The following KRT86 variants were observed in gnomAD, a reference collection of about 807,000 sequenced individuals.
KRT86 encodes keratin 86.
KRT86 carries 30 observed loss-of-function variants against 41.2 expected under a neutral mutation model. The observed-to-expected ratio is 0.73, with a 90% CI of 0.54 to 0.99. The LOEUF (loss-of-function observed/expected upper bound fraction) is 0.99, where lower values mean the gene tolerates loss of function less well. KRT86 is among the 50% of genes least tolerant of loss of function. KRT86 has a pLI of 0.00. For synonymous variants in KRT86, 238 were observed against 238.1 expected, an observed-to-expected ratio of 1.00 and a Z score of 0.00; for missense variants, 561 against 571.4, an observed-to-expected ratio of 0.98 and a Z score of 0.19.
At chr12:52,286,847 A>T in intron 2 of KRT86, 5 of 1,613,292 alleles carry the variant, frequency 3.1e-6, no homozygotes, top group Non-Finnish European at 4.2e-6. Context: ...GAAAAAGGCA[A>T]CATTAGTGAC....
Position 52,302,008 on chromosome 12 carries a change from C to G in KRT86, c.92C>G (p.Pro31Arg), listed in dbSNP as rs748739670. Residue 31 changes from proline (P) to arginine (R), a missense_variant, in exon 3 of 11, where the codon CCC becomes CGC. Around this residue, in one of 3 missense-constraint regions of KRT86, gnomAD observed 164 missense variants for 172.5 expected, o/e 0.95. Transcript: ENST00000423955. ...RPGRCCITAAPYRGISCYRGL... is the reference protein window; with the variant it reads ...RPGRCCITAARYRGISCYRGL... ...GGCCGCTGCTGCATCACCGCCGCCC[C>G]CTACCGTGGCATCTCCTGCTACCGC... is the stretch of plus-strand genomic sequence containing the variant. The G allele has an allele frequency of 2.5e-6, 4 of 1,612,246 alleles. No individual in the cohort carries two copies. The Admixed American group carries it at 5.0e-5, about 20-fold the overall frequency.
At chr12:52,303,949 CCACATCCAACTAGAAAG>C (rs1938440533) in intron 4 of KRT86, among the ~76,000 whole-genome samples, 145 bp from the exon 5 acceptor site, 1 of 85,488 alleles carries the variant, frequency 1.2e-5, no homozygotes, top group African/African-American at 5.2e-5. Context: ...CAGACACATC[CCACATCCAACTAGAAAG>C]CACTAAGCTA....
At chr12:52,308,200 G>C (rs1224941181) in intron 9 of KRT86, 33 bp from the exon 10 acceptor site, 3 of 1,614,050 alleles carry the variant, frequency 1.9e-6, no homozygotes, top group Non-Finnish European at 8.5e-7. Context: ...CGCCTTTTCC[G>C]CGGCACTGAC....
intron 2 of KRT86, chr12:52,278,841 T>C (rs4761854): frequency 0.27 from 40,788 of 151,940 alleles, 6,084 homozygotes; most frequent in East Asian, 0.39. Flanking sequence ...TCTGTGCCTC[T>C]CCTTTTGTCG....
At chr12:52,284,167 G>A (rs566828519) in intron 2 of KRT86, among the ~76,000 whole-genome samples, 51 of 152,242 alleles carry the variant, frequency 3.3e-4, no homozygotes, top group African/African-American at 1.2e-3. Flanking sequence ...CTCCTGACAG[G>A]GGCTGCTGCT....
intron 5 of KRT86, 63 bp from the exon 6 acceptor site, chr12:52,304,869 A>T: frequency 6.5e-7 from 1 of 1,548,898 alleles, no homozygotes; most frequent in East Asian, 2.2e-5. Context: ...GGGTGGGAAG[A>T]GAGAGGAATC....
rs768592222 is a variant in KRT86 at position 52,308,494 on chromosome 12, C to T, written c.1370C>T (p.Pro457Leu). The T allele has an allele frequency of 1.9e-6, 3 of 1,609,144 alleles. No individual in the cohort carries two copies. In the South Asian group the frequency reaches 3.3e-5, roughly 18 times the overall value. ...GTCTCCACCAGAGTCAGTAGCGTCCCCAGCAACAGCAACGTGGTGGTGGGC... is the reference window on the plus strand; with the variant it reads ...GTCTCCACCAGAGTCAGTAGCGTCCTCAGCAACAGCAACGTGGTGGTGGGC... ...PVVSTRVSSV[P>L]SNSNVVVGTT... Residue 457 changes from proline to leucine, a missense_variant, in exon 11 of 11, where the codon CCC (proline) becomes CTC (leucine). Pro to Leu is a moderately conservative substitution (Grantham distance 98). This residue lies in a region of KRT86 where 397 missense variants were observed against 375.9 expected (regional missense o/e 1.06). Coordinates refer to ENST00000423955, the MANE Select transcript of KRT86 (RefSeq NM_001320198.2).
intron 2 of KRT86, chr12:52,286,645 C>A: frequency 8.4e-7 from 1 of 1,185,896 alleles, no homozygotes. Context: ...GAGCTGGGGT[C>A]TTTTGGATGT....
chr12:52,284,453 G>A (rs927468843), intron 2 of KRT86, among the ~76,000 whole-genome samples: 1 of 152,332 alleles, frequency 6.6e-6, no homozygotes, highest in African/African-American at 2.4e-5. Context: ...GCCTCCTAAA[G>A]TGTTGAGATT....
At chr12:52,293,803 G>A (rs1203031439) in intron 2 of KRT86, among the ~76,000 whole-genome samples, 2 of 152,118 alleles carry the variant, frequency 1.3e-5, no homozygotes, top group Non-Finnish European at 2.9e-5. Context: ...AAAGTACAGA[G>A]GTTTGCATTA....
chr12:52,287,647 C>A (rs1396403203), intron 2 of KRT86: 1 of 1,613,832 alleles, frequency 6.2e-7, no homozygotes, highest in Non-Finnish European at 8.5e-7. Context: ...TCATGCGGTT[C>A]AGCTCATTGA....
Position 52,305,678 on chromosome 12 carries a change from G to A in KRT86, c.916G>A (p.Ala306Thr), listed in dbSNP as rs762354129. 2 of 1,614,080 alleles carry A rather than the reference G, an allele frequency of 1.2e-6. No homozygotes were observed. Among genetic ancestry groups the A allele is most frequent in the South Asian group, 1.1e-5 (1 of 91,074 alleles). Residue 306 changes from alanine (A) to threonine (T), a missense_variant, in exon 8 of 11, where the codon GCC becomes ACC. Around this residue, in one of 3 missense-constraint regions of KRT86, gnomAD observed 397 missense variants for 375.9 expected, o/e 1.06. Coordinates refer to ENST00000423955, the MANE Select transcript of KRT86 (RefSeq NM_001320198.2). The stretch of plus-strand genomic sequence containing the variant: ...CTTCCCCCAGTGTGAGGAGATGAAG[G>A]CCACGGTGATCAGGCACGGGGAGAC... ...WYRSKCEEMK[A>T]TVIRHGETLR...
intron 5 of KRT86, 134 bp from the exon 6 acceptor site, chr12:52,304,798 A>C (rs1938463264): frequency 9.9e-7 from 1 of 1,014,368 alleles, no homozygotes; most frequent in Non-Finnish European, 1.6e-6. Flanking sequence ...AAGGGCCAGA[A>C]GGGAAGGAGA....
At chr12:52,296,328 G>A (rs1295335416) in intron 2 of KRT86, among the ~76,000 whole-genome samples, 1 of 152,156 alleles carries the variant, frequency 6.6e-6, no homozygotes, top group African/African-American at 2.4e-5. Context: ...AGGGATGAAA[G>A]AGCAGAGGAG....
Position 52,304,944 on chromosome 12 carries a change from G to A in KRT86, c.652G>A (p.Ala218Thr), listed in dbSNP as rs1397640624. 16 of 1,613,986 alleles carry A rather than the reference G, an allele frequency of 9.9e-6. 1 individual carries two copies. The highest frequency in any genetic ancestry group is 1.7e-5 in the Admixed American group (1 of 59,996). Residue 218 changes from alanine to threonine, a missense_variant, in exon 6 of 11, where the codon GCC becomes ACC. Around this residue, in one of 3 missense-constraint regions of KRT86, gnomAD observed 397 missense variants for 375.9 expected, o/e 1.06. Coordinates refer to ENST00000423955, the MANE Select transcript of KRT86 (RefSeq NM_001320198.2). Reference sequence around the variant, plus strand: ...CCCACCTTTCCAGGATGTGGACTGCGCCTACCTCCGCAAATCAGACCTGGA... The same window carrying A: ...CCCACCTTTCCAGGATGTGGACTGCACCTACCTCCGCAAATCAGACCTGGA... ...FVALKKDVDC[A>T]YLRKSDLEAN...
intron 2 of KRT86, among the ~76,000 whole-genome samples, chr12:52,285,430 C>G (rs1458286662): frequency 6.6e-6 from 1 of 152,078 alleles, no homozygotes; most frequent in Non-Finnish European, 1.5e-5. Context: ...ATGTATTCAC[C>G]TCTTAAAGAA....
At chr12:52,299,851 T>A (rs1249698908) in intron 2 of KRT86, among the ~76,000 whole-genome samples, 1 of 152,260 alleles carries the variant, frequency 6.6e-6, no homozygotes, top group African/African-American at 2.4e-5. Flanking sequence ...GAATTCCTTG[T>A]CAGTTGAATA....
Position 52,308,894 on chromosome 12 carries a change from T to G in KRT86, c.*309T>G. The stretch of plus-strand genomic sequence containing the variant: ...TATACATTGGTCTTGCCTGAGCTCT[T>G]CCCCAAAGCTTGGAGGAACGGGGGA... On this transcript the variant is annotated 3_prime_UTR_variant, in exon 11 of 11. Transcript: ENST00000423955. The G allele has an allele frequency of 1.8e-5, 7 of 386,344 alleles. No homozygotes were observed. The highest frequency in any genetic ancestry group is 2.4e-5 in the Non-Finnish European group (5 of 208,730). 23.9% of individuals were successfully genotyped at this position (386,344 alleles called of 1,614,324 possible). A position where few individuals can be genotyped will look rare whatever the true frequency, so the allele number is the denominator to read the frequency against.
At chr12:52,300,817 A>G (rs1427702247) in intron 2 of KRT86, among the ~76,000 whole-genome samples, 1 of 152,212 alleles carries the variant, frequency 6.6e-6, no homozygotes, top group African/African-American at 2.4e-5. Flanking sequence ...TAGATGCATA[A>G]CAGTGGTGCT....
Sources: allele counts gnomAD v4.1 joint callset (sites outside exome capture counted in the v4.1 genomes callset), GRCh38; gene constraint gnomAD v4.1.1; regional missense constraint gnomAD v4.1.1; transcripts MANE v1.5; gene names NCBI Gene and HGNC (gene_info 2026-07-23, HGNC 2026-07-21).